TULP1: variants seen among roughly 807,000 people sequenced by gnomAD.
TULP1 encodes the protein TUB like protein 1.
In TULP1, 50 loss-of-function variants were observed where a neutral mutation model predicts 67.1. That is an observed-to-expected ratio of 0.75 (90% CI 0.59 to 0.94). The LOEUF (loss-of-function observed/expected upper bound fraction) is 0.94, where lower values mean the gene tolerates loss of function less well. Among genes scored for constraint, TULP1 ranks in the 40% least tolerant of loss-of-function variants. The pLI is 0.00. For missense variants in TULP1, 746 were observed against 734.1 expected, an observed-to-expected ratio of 1.02 and a Z score of -0.19; for synonymous variants, 297 against 294.0, an observed-to-expected ratio of 1.01 and a Z score of -0.11.
At chr6:35,508,096 C>T (rs1369598529) in intron 8 of TULP1, among the ~76,000 whole-genome samples, 1 of 152,210 alleles carries the variant, frequency 6.6e-6, no homozygotes, top group Non-Finnish European at 1.5e-5. Flanking sequence ...GCTGGGATTA[C>T]AGGCATGAGC....
chr6:35,499,937 G>T (rs759804903), intron 14 of TULP1, 44 bp downstream of exon 14: 2 of 1,609,524 alleles, frequency 1.2e-6, no homozygotes, highest in African/African-American at 2.7e-5. Flanking sequence ...TCAGCATCCT[G>T]GGGGTGGTGG....
chr6:35,511,997 C>T (rs1366392555), intron 3 of TULP1, 183 bp downstream of exon 3: 4 of 667,836 alleles, frequency 6.0e-6, no homozygotes, highest in South Asian at 2.4e-5. Flanking sequence ...TCTACCCCAA[C>T]GCCACCCCCT....
rs746905296 is a variant in TULP1, at chr6:35,509,652, T to G, written c.700A>C (p.Lys234Gln). The G allele has an allele frequency of 4.3e-6, 7 of 1,614,090 alleles. No homozygotes were observed. The highest frequency in any genetic ancestry group is 5.9e-6 in the Non-Finnish European group (7 of 1,180,024). Reference protein sequence around the residue: ...FLVGEGSPDKKALKKKGTPKG... With the variant: ...FLVGEGSPDKQALKKKGTPKG... ...CATCCACCTTTCTTCTTCAGGGCTT[T>G]CTTGTCAGGACTGCCTTCCCCAACC... The change falls in exon 7 of 15, where the codon AAA (lysine) becomes CAA (glutamine). Residue 234 changes from lysine to glutamine, a missense_variant. Coordinates refer to ENST00000229771, the MANE Select transcript of TULP1 (RefSeq NM_003322.6).
rs759133285 is a variant in TULP1, at chr6:35,506,147, G to C, written c.855C>G (p.Pro285=). ...ACTCCCGGGGTTCGTCCACCTCCAC[G>C]GGGGGAGACGGGGCCCTCTCCTCCT... ...KAKEERAPSP[P]VEVDEPREFV... is the part of the protein sequence containing the mutation. The change falls in exon 10 of 15, where the codon CCC becomes CCG. Residue 285 remains proline (P), a synonymous_variant. Transcript: ENST00000229771. 3 of 1,613,516 alleles carry C rather than the reference G, an allele frequency of 1.9e-6. No individual in the cohort carries two copies. The highest frequency in any genetic ancestry group is 2.2e-5 in the East Asian group (1 of 44,882).
rs1761222625 is a variant in TULP1, at chr6:35,512,205, C to G, written c.165G>C (p.Thr55=). 1 of 1,355,608 alleles carries G rather than the reference C, an allele frequency of 7.4e-7. No homozygotes were observed. The highest frequency in any genetic ancestry group is 3.5e-5 in the Admixed American group (1 of 28,916). 84.0% of individuals were successfully genotyped at this position (1,355,608 alleles called of 1,614,324 possible). A position where few individuals can be genotyped will look rare whatever the true frequency, so the allele number is the denominator to read the frequency against. The stretch of plus-strand genomic sequence containing the variant: ...CTCCGGGCTTCCGGGGCTTGGATCC[C>G]GTGGGGCAGGGGGATTCGGGGGCCT... ...RTEAPESPCP[T]GSKPRKPGAG... The change falls in exon 3 of 15, where the codon ACG becomes ACC. Residue 55 remains threonine, a synonymous_variant. Transcript: ENST00000229771.
intron 13 of TULP1, among the ~76,000 whole-genome samples, chr6:35,501,689 G>A (rs893702322): frequency 4.6e-5 from 7 of 152,030 alleles, no homozygotes; most frequent in African/African-American, 1.7e-4. Context: ...GTATGCACCT[G>A]TAATCCCAGC....
Position 35,512,860 on chromosome 6 carries a change from G to T in TULP1, c.-2C>A. 1 of 1,612,592 alleles carries T rather than the reference G, an allele frequency of 6.2e-7. No individual in the cohort carries two copies. Among genetic ancestry groups the T allele is most frequent in the South Asian group, 1.1e-5 (1 of 91,030 alleles). On this transcript the variant is annotated 5_prime_UTR_variant, in exon 1 of 15. Transcript: ENST00000229771. ...GAGGGTTTCATCCCGCAGAGGCATGGTGCCTTTGCCTATCGCACCCCTTTC... is the reference window on the plus strand; with the variant it reads ...GAGGGTTTCATCCCGCAGAGGCATGTTGCCTTTGCCTATCGCACCCCTTTC...
At position 35,498,063 on chromosome 6, in the gene TULP1, A is replaced by G. The variant is rs890645334; in HGVS notation, c.*264T>C. On this transcript the variant is annotated 3_prime_UTR_variant, in exon 15 of 15. Coordinates refer to ENST00000229771, the MANE Select transcript of TULP1 (RefSeq NM_003322.6). The surrounding 1 kb of genome is among the most constrained non-coding windows in gnomAD (Gnocchi z 6.7). ...TGGGGCGCGGGGAGGAGGGGGGCAC[A>G]GCGGCGCAGGCGAGCTCCGAGACCA... is the stretch of plus-strand genomic sequence containing the variant. 6.7e-6 allele frequency: 4 copies of G among 599,468 alleles called. No homozygotes were observed. The highest frequency in any genetic ancestry group is 1.2e-5 in the Non-Finnish European group (4 of 340,598). The allele number at this position is 599,468 out of a possible 1,614,324, so 37.1% of individuals were successfully genotyped here. A position where few individuals can be genotyped will look rare whatever the true frequency, so the allele number is the denominator to read the frequency against.
intron 6 of TULP1, 32 bp from the exon 7 acceptor site, chr6:35,509,782 C>T: frequency 6.2e-7 from 1 of 1,613,810 alleles, no homozygotes; most frequent in Non-Finnish European, 8.5e-7. Flanking sequence ...CGTCACAACC[C>T]CCACCGCAAC....
rs121909074 is a variant in TULP1 at position 35,500,005 on chromosome 6, A to G, written c.1471T>C (p.Phe491Leu). 6.2e-7 allele frequency: 1 copy of G among 1,614,108 alleles called. No homozygotes were observed. The highest frequency in any genetic ancestry group is 8.5e-7 in the Non-Finnish European group (1 of 1,180,022). Residue 491 changes from phenylalanine (F) to leucine (L), a missense_variant, in exon 14 of 15, where the codon TTC becomes CTC. Physicochemically the swap from Phe to Leu is conservative, Grantham distance 22. Coordinates refer to ENST00000229771, the MANE Select transcript of TULP1 (RefSeq NM_003322.6). ...CGGTCATCAGCGTGGACAATCTGGA[A>G]GTTCTTGACTGAGGCCTGGGTGACC... is the stretch of plus-strand genomic sequence containing the variant. ...GRVTQASVKN[F>L]QIVHADDPDY...
chr6:35,506,037 G>A lies in TULP1; in HGVS notation c.965C>T (p.Pro322Leu), dbSNP rs1761076155. 2 of 1,613,800 alleles carry A rather than the reference G, an allele frequency of 1.2e-6. No individual in the cohort carries two copies. The highest frequency in any genetic ancestry group is 3.3e-5 in the Admixed American group (2 of 60,010). The change falls in exon 10 of 15, where the codon CCC becomes CTC. Residue 322 changes from proline to leucine, a missense_variant. Pro to Leu is a moderately conservative substitution (Grantham distance 98, BLOSUM62 -3). Around this residue, in one of 3 missense-constraint regions of TULP1, gnomAD observed 383 missense variants for 374.1 expected, o/e 1.02. Transcript: ENST00000229771. ...CGTGTCCAGGTGCAGGAAGTAGGAGGGATACATGCCTCGATCCATGCCCTT... is the reference window on the plus strand; with the variant it reads ...CGTGTCCAGGTGCAGGAAGTAGGAGAGATACATGCCTCGATCCATGCCCTT... ...DKKGMDRGMY[P>L]SYFLHLDTEK...
At chr6:35,511,047 C>A (rs772291601) in intron 4 of TULP1, 37 bp from the exon 5 acceptor site, 1 of 1,599,738 alleles carries the variant, frequency 6.3e-7, no homozygotes, top group Admixed American at 1.7e-5. Flanking sequence ...GGGTTTGAGC[C>A]GGGCCCTCCT....
chr6:35,499,992 T>C lies in TULP1; in HGVS notation c.1484A>G (p.His495Arg), dbSNP rs1424643640. 6.2e-7 allele frequency: 1 copy of C among 1,614,018 alleles called. No homozygotes were observed. Among genetic ancestry groups the C allele is most frequent in the Non-Finnish European group, 8.5e-7 (1 of 1,180,002 alleles). ...CCTCAGGTACTCACGGTCATCAGCG[T>C]GGACAATCTGGAAGTTCTTGACTGA... ...QASVKNFQIV[H>R]ADDPDYIVLQ... Residue 495 changes from histidine (H) to arginine (R), a missense_variant, in exon 14 of 15, where the codon CAC becomes CGC. Coordinates refer to ENST00000229771, the MANE Select transcript of TULP1 (RefSeq NM_003322.6).
At position 35,506,002 on chromosome 6, in the gene TULP1, C is replaced by T; in HGVS notation, c.999+1G>A. On this transcript the variant is annotated splice_donor_variant, in intron 10 of 14. Transcript: ENST00000229771. LOFTEE classifies it high-confidence loss of function. Reference sequence around the variant, plus strand: ...CTCCTCTGCTGCCTCTCCCCACCCACCTTCTTCTCCGTGTCCAGGTGCAGG... The same window carrying T: ...CTCCTCTGCTGCCTCTCCCCACCCATCTTCTTCTCCGTGTCCAGGTGCAGG... The T allele has an allele frequency of 6.2e-7, 1 of 1,614,152 alleles. No individual in the cohort carries two copies. The highest frequency in any genetic ancestry group is 8.5e-7 in the Non-Finnish European group (1 of 1,180,044).
chr6:35,509,490 G>T, intron 7 of TULP1, 144 bp downstream of exon 7: 1 of 1,050,174 alleles, frequency 9.5e-7, no homozygotes, highest in Non-Finnish European at 1.5e-6. Context: ...TCAAAGCGGG[G>T]GTCAAGATGC....
intron 11 of TULP1, among the ~76,000 whole-genome samples, chr6:35,504,625 A>T (rs1161341583): frequency 3.3e-5 from 5 of 151,402 alleles, no homozygotes; most frequent in African/African-American, 7.3e-5. Flanking sequence ...CAGTGGCATG[A>T]TCTCTGCTCA....
In TULP1 at chr6:35,503,624, G is replaced by T. The variant is rs551519696; in HGVS notation, c.1258C>A (p.Arg420Ser). Residue 420 changes from arginine to serine, a missense_variant, in exon 13 of 15, where the codon CGC (arginine) becomes AGC (serine). Physicochemically the swap from Arg to Ser is moderately radical, Grantham distance 110. This residue lies in a region of TULP1 where 383 missense variants were observed against 374.1 expected (regional missense o/e 1.02). Coordinates refer to ENST00000229771, the MANE Select transcript of TULP1 (RefSeq NM_003322.6). The surrounding 1 kb of genome is among the most constrained non-coding windows in gnomAD (Gnocchi z 4.0). ...TNVLGFRGPR[R>S]MTVIIPGMSA... ...ATGCCAGGAATGATGACGGTCATGC[G>T]CCGGGGGCCACGGAAGCCCAGCACG... is the stretch of plus-strand genomic sequence containing the variant. 28 of 1,599,194 alleles carry T rather than the reference G, an allele frequency of 1.8e-5. No individual in the cohort carries two copies. Among genetic ancestry groups the T allele is most frequent in the East Asian group, 2.3e-5 (1 of 44,128 alleles).
rs778479293 is a variant in TULP1, at chr6:35,509,710, G to A, written c.642C>T (p.Ala214=). The change falls in exon 7 of 15, where the codon GCC becomes GCT. Residue 214 remains alanine (A), a synonymous_variant. Transcript: ENST00000229771. ...TGGCTGCTGGGCTCTTCCTCGCACTGGCTGGGCTCCCTGAGGGGTCCTTGT... is the reference window on the plus strand; with the variant it reads ...TGGCTGCTGGGCTCTTCCTCGCACTAGCTGGGCTCCCTGAGGGGTCCTTGT... The part of the protein sequence containing the change: ...EADKDPSGSP[A]SARKSPAAMF... 7 of 1,613,908 alleles carry A rather than the reference G, an allele frequency of 4.3e-6. No individual in the cohort carries two copies. In the South Asian group the frequency reaches 6.6e-5, roughly 15 times the overall value.
chr6:35,500,691 G>A lies in TULP1; in HGVS notation c.1324-539C>T, dbSNP rs117610223. Among the ~76,000 whole-genome samples, 91 of 152,288 alleles carry A rather than the reference G, an allele frequency of 6.0e-4. No individual in the cohort carries two copies. In the East Asian group the frequency reaches 0.013, roughly 22 times the overall value. Reference sequence around the variant, plus strand: ...GTCCACTCAAGATCACCTCCAAGAAGCCTTCCTGACCCCCCATCTGATTTA... The same window carrying A: ...GTCCACTCAAGATCACCTCCAAGAAACCTTCCTGACCCCCCATCTGATTTA... On this transcript the variant is annotated intron_variant, in intron 13 of 14. Transcript: ENST00000229771.
Sources: allele counts gnomAD v4.1 joint callset (sites outside exome capture counted in the v4.1 genomes callset), GRCh38; gene constraint gnomAD v4.1.1; regional missense constraint gnomAD v4.1.1; non-coding constraint Gnocchi (gnomAD v3.1); transcripts MANE v1.5; gene names NCBI Gene and HGNC (gene_info 2026-07-23, HGNC 2026-07-21).